The following OPHN1 variants were observed in gnomAD, a reference collection of about 807,000 sequenced individuals.
The protein encoded by OPHN1 is oligophrenin-1.
OPHN1 carries 11 observed loss-of-function variants against 60.7 expected under a neutral mutation model. That is an observed-to-expected ratio of 0.18 (90% CI 0.11 to 0.30). The LOEUF (loss-of-function observed/expected upper bound fraction) is 0.30, where lower values mean the gene tolerates loss of function less well. Ranked by LOEUF, OPHN1 falls within the 10% of genes least tolerant of loss-of-function variation. The pLI, the probability that OPHN1 is intolerant of heterozygous loss-of-function variation, is 1.00. For synonymous variants in OPHN1, 226 were observed against 222.6 expected, an observed-to-expected ratio of 1.02 and a Z score of -0.14; for missense variants, 449 against 611.0, an observed-to-expected ratio of 0.73 and a Z score of 2.80.
At chrX:68,161,110 T>A (rs73212856) in intron 15 of OPHN1, among the ~76,000 whole-genome samples, 35 of 110,684 alleles carry the variant, frequency 3.2e-4, no homozygotes, top group Non-Finnish European at 6.1e-4. Flanking sequence ...ATATACCAAC[T>A]GTATGACACT....
At chrX:68,186,696 C>T (rs1786221902) in intron 15 of OPHN1, among the ~76,000 whole-genome samples, 2 of 111,479 alleles carry the variant, frequency 1.8e-5, no homozygotes, top group African/African-American at 6.5e-5. Context: ...TTTGTCACAG[C>T]TCTAGAAGCT....
chrX:68,161,965 AAGT>A (rs1356624363), intron 15 of OPHN1, among the ~76,000 whole-genome samples: 5 of 111,415 alleles, frequency 4.5e-5, no homozygotes, highest in Non-Finnish European at 9.5e-5. Flanking sequence ...TAAAAAAAGA[AAGT>A]AGTGGGAATA....
intron 5 of OPHN1, among the ~76,000 whole-genome samples, chrX:68,249,664 G>A (rs763480784): frequency 4.6e-4 from 51 of 111,558 alleles, no homozygotes; most frequent in Middle Eastern, 4.7e-3. Flanking sequence ...GTTGTCCCTC[G>A]CCTCTTCCCA....
intron 2 of OPHN1, among the ~76,000 whole-genome samples, chrX:68,395,208 C>T (rs1033865988): frequency 2.7e-5 from 3 of 110,871 alleles, no homozygotes; most frequent in South Asian, 3.8e-4. Flanking sequence ...CCACCCACCT[C>T]GGCCTCCCAA....
rs369780396 is a variant in OPHN1, at chrX:68,227,888, G to C, written c.486+6599C>G. On this transcript the variant is annotated intron_variant, in intron 6 of 24. Transcript: ENST00000355520. The stretch of plus-strand genomic sequence containing the variant: ...AACACATTCAAAAGCTAGCAGAAGG[G>C]AAGAAATAACTAAGATCAGAGCAGA... Among the ~76,000 whole-genome samples, 504 of 107,563 alleles carry C rather than the reference G, an allele frequency of 4.7e-3. 5 individuals carry two copies. Among genetic ancestry groups the C allele is most frequent in the African/African-American group, 0.016 (478 of 29,717 alleles). The allele number at this position is 107,563 out of a possible 115,157, so 93.4% of individuals were successfully genotyped here.
At chrX:68,302,031 T>C (rs1275398910) in intron 2 of OPHN1, among the ~76,000 whole-genome samples, 5 of 112,758 alleles carry the variant, frequency 4.4e-5, no homozygotes, top group Non-Finnish European at 9.4e-5. Context: ...CACAATGTTT[T>C]AAAATTCATC....
chrX:68,055,159 C>A (rs990958582), intron 21 of OPHN1, among the ~76,000 whole-genome samples: 1 of 111,784 alleles, frequency 8.9e-6, no homozygotes, highest in African/African-American at 3.3e-5. Context: ...CCCATTAAGG[C>A]AAACCCTTGA....
chrX:68,071,695 A>AGTTTGT, intron 20 of OPHN1: 1 of 523,946 alleles, frequency 1.9e-6, no homozygotes, highest in South Asian at 2.6e-5. Context: ...GGAACATTGA[A>AGTTTGT]GTCCACTCTC....
At chrX:68,217,897 T>C (rs2077623454) in intron 6 of OPHN1, among the ~76,000 whole-genome samples, 1 of 104,832 alleles carries the variant, frequency 9.5e-6, no homozygotes, top group African/African-American at 3.3e-5. Context: ...GGAACACAGT[T>C]CCTCACCAGC....
At chrX:68,330,425 A>C (rs905775148) in intron 2 of OPHN1, among the ~76,000 whole-genome samples, 4 of 111,980 alleles carry the variant, frequency 3.6e-5, no homozygotes, top group African/African-American at 1.3e-4. Flanking sequence ...CATTTGTGAA[A>C]AGGATTTTCT....
chrX:68,161,103 T>G (rs1308773318), intron 15 of OPHN1, among the ~76,000 whole-genome samples: 1 of 110,436 alleles, frequency 9.1e-6, no homozygotes, highest in Non-Finnish European at 1.9e-5. Context: ...CAAAAAGATA[T>G]ACCAACTGTA....
Position 68,194,550 on chromosome X carries a change from G to T in OPHN1, c.1105-52C>A, listed in dbSNP as rs1244054759. The T allele has an allele frequency of 1.3e-5, 13 of 965,949 alleles. No homozygotes were observed. The South Asian group carries it at 2.5e-4, about 19-fold the overall frequency. The allele number at this position is 965,949 out of a possible 1,213,427, so 79.6% of individuals were successfully genotyped here. On this transcript the variant is annotated intron_variant, in intron 12 of 24. Coordinates refer to ENST00000355520, the MANE Select transcript of OPHN1 (RefSeq NM_002547.3). ...CCATGGCTATTGTCAATCAATATAGGAAAACAGAGAACATAATATTAAATA... is the reference window on the plus strand; with the variant it reads ...CCATGGCTATTGTCAATCAATATAGTAAAACAGAGAACATAATATTAAATA...
intron 2 of OPHN1, among the ~76,000 whole-genome samples, chrX:68,350,208 T>C (rs1195745282): frequency 1.8e-5 from 2 of 111,378 alleles, no homozygotes; most frequent in Admixed American, 9.6e-5. Flanking sequence ...CAAATTATCA[T>C]ATGTACTTTG....
At chrX:68,328,453 A>C (rs1373863338) in intron 2 of OPHN1, among the ~76,000 whole-genome samples, 1 of 113,052 alleles carries the variant, frequency 8.8e-6, no homozygotes, top group East Asian at 2.8e-4. Flanking sequence ...TTAAAAGAAC[A>C]CAAGAAAACA....
intron 2 of OPHN1, among the ~76,000 whole-genome samples, chrX:68,353,216 T>G: frequency 9.2e-6 from 1 of 109,106 alleles, no homozygotes; most frequent in South Asian, 4.0e-4. Flanking sequence ...TAAGTGCAGG[T>G]TCTTATAAAT....
Position 68,063,854 on chromosome X carries a change from C to A in OPHN1, c.2158G>T (p.Gly720Trp). ...TCCCATGGGATTCCCAAGCACTTAC[C>A]CTCCTTGTGGTGGGCCAGGGGCCGG... ...APRPLAHHKE[G>W]DADSFSKVRP... Residue 720 changes from glycine to tryptophan, a missense_variant and splice_region_variant, in exon 21 of 25, where the codon GGG becomes TGG. Physicochemically the swap from Gly to Trp is radical, Grantham distance 184. Transcript: ENST00000355520. 8.6e-7 allele frequency: 1 copy of A among 1,159,178 alleles called. No homozygotes were observed. The highest frequency in any genetic ancestry group is 1.2e-6 in the Non-Finnish European group (1 of 867,204).
At chrX:68,099,233 A>G (rs1361455238) in intron 18 of OPHN1, among the ~76,000 whole-genome samples, 9 of 111,608 alleles carry the variant, frequency 8.1e-5, no homozygotes, top group African/African-American at 2.9e-4. Context: ...GATAAGTAAC[A>G]TTCCAAATTG....
At chrX:68,217,455 T>C (rs2077618771) in intron 6 of OPHN1, among the ~76,000 whole-genome samples, 1 of 112,161 alleles carries the variant, frequency 8.9e-6, no homozygotes, top group Admixed American at 9.4e-5. Flanking sequence ...CCTGCCTCTG[T>C]AGGCTTCATC....
chrX:68,149,187 C>T (rs1487311759), intron 15 of OPHN1, among the ~76,000 whole-genome samples: 2 of 111,368 alleles, frequency 1.8e-5, no homozygotes, highest in African/African-American at 6.5e-5. Flanking sequence ...CTTGCTCCTG[C>T]AGCTTTCATA....
Sources: allele counts gnomAD v4.1 joint callset (sites outside exome capture counted in the v4.1 genomes callset), GRCh38; gene constraint gnomAD v4.1.1; transcripts MANE v1.5; gene names NCBI Gene and HGNC (gene_info 2026-07-23, HGNC 2026-07-21).